WDPCP: variants seen among roughly 807,000 people sequenced by gnomAD.
WDPCP encodes WD repeat-containing and planar cell polarity effector protein fritz homolog.
Under a neutral mutation model 93.1 loss-of-function variants are expected in WDPCP, and 71 were observed. That is an observed-to-expected ratio of 0.76 (90% confidence interval 0.63 to 0.93). The LOEUF (loss-of-function observed/expected upper bound fraction) is 0.93. Among genes scored for constraint, WDPCP ranks in the 40% least tolerant of loss-of-function variants. The pLI is 0.00. For missense variants in WDPCP, 844 were observed against 887.4 expected, an observed-to-expected ratio of 0.95 and a Z score of 0.62; for synonymous variants, 315 against 315.0, an observed-to-expected ratio of 1.00 and a Z score of 0.00.
chr2:63,745,146 A>C (rs1669776622), intron 2 of WDPCP, among the ~76,000 whole-genome samples: 1 of 152,172 alleles, frequency 6.6e-6, no homozygotes, highest in Admixed American at 6.6e-5. Context: ...AATGTACTCT[A>C]CTTTGAGGAT....
chr2:63,303,445 T>C lies in WDPCP; in HGVS notation c.1812+9803A>G, dbSNP rs1685482262. On this transcript the variant is annotated intron_variant, in intron 13 of 17. Coordinates refer to ENST00000272321, the MANE Select transcript of WDPCP (RefSeq NM_015910.7). ...ACCCCACTAGATGAAACCCAGGTAT[T>C]TGACTGATACGCCTGGACCCTGGAC... Among the ~76,000 whole-genome samples, 3 of 152,286 alleles carry C rather than the reference T, an allele frequency of 2.0e-5. No individual in the cohort carries two copies. In the South Asian group the frequency reaches 6.2e-4, roughly 32 times the overall value.
intron 9 of WDPCP, among the ~76,000 whole-genome samples, chr2:63,416,417 C>T (rs186399487): frequency 3.3e-5 from 5 of 152,106 alleles, no homozygotes; most frequent in African/African-American, 9.7e-5. Flanking sequence ...CCCAGCTGGT[C>T]TCGAACTCTT....
chr2:63,445,804 C>G (rs897201653), intron 6 of WDPCP, among the ~76,000 whole-genome samples: 14 of 151,700 alleles, frequency 9.2e-5, no homozygotes, highest in African/African-American at 3.4e-4. Context: ...AATCAGATAA[C>G]ACTTTTTTTT....
chr2:63,532,511 T>C (rs1703935894), intron 1 of WDPCP, among the ~76,000 whole-genome samples: 1 of 152,170 alleles, frequency 6.6e-6, no homozygotes, highest in Non-Finnish European at 1.5e-5. Context: ...AGCGGATCTC[T>C]CAGCAGAAAC....
At chr2:63,787,005 A>G (rs1199960577) in intron 2 of WDPCP, among the ~76,000 whole-genome samples, 2 of 152,198 alleles carry the variant, frequency 1.3e-5, no homozygotes, top group Non-Finnish European at 2.9e-5. Context: ...AAAGGGTACT[A>G]TTTCTAGAAG....
chr2:63,554,115 T>C (rs531754978), intron 1 of WDPCP, among the ~76,000 whole-genome samples: 2 of 152,366 alleles, frequency 1.3e-5, no homozygotes, highest in South Asian at 4.1e-4. Flanking sequence ...TGCATTTCAC[T>C]GTTATGTCTC....
chr2:63,583,293 A>G (rs1708613174), intron 1 of WDPCP, among the ~76,000 whole-genome samples: 1 of 152,234 alleles, frequency 6.6e-6, no homozygotes. Context: ...AAAAAATTTC[A>G]ATTCATCAAA....
chr2:63,582,593 T>TA (rs1558843233), intron 1 of WDPCP, among the ~76,000 whole-genome samples: 1 of 151,496 alleles, frequency 6.6e-6, no homozygotes, highest in Non-Finnish European at 1.5e-5. Context: ...ACAAGAAACA[T>TA]AAAAAAGACT....
At chr2:63,395,462 C>T (rs894957096) in intron 10 of WDPCP, among the ~76,000 whole-genome samples, 1 of 152,132 alleles carries the variant, frequency 6.6e-6, no homozygotes, top group Non-Finnish European at 1.5e-5. Context: ...TTAGCTCCCA[C>T]CTATAAATGA....
chr2:63,753,191 G>C (rs1004480884), intron 2 of WDPCP, among the ~76,000 whole-genome samples: 4 of 152,062 alleles, frequency 2.6e-5, no homozygotes, highest in Non-Finnish European at 4.4e-5. Flanking sequence ...CAGCACTTTA[G>C]GAGGCCGAGG....
intron 12 of WDPCP, among the ~76,000 whole-genome samples, chr2:63,370,087 C>G (rs1275170100): frequency 6.6e-6 from 1 of 152,020 alleles, no homozygotes; most frequent in Non-Finnish European, 1.5e-5. Context: ...TTATTTATAC[C>G]TATATTATGT....
chr2:63,773,623 T>C (rs1670261894), intron 2 of WDPCP, among the ~76,000 whole-genome samples: 1 of 152,132 alleles, frequency 6.6e-6, no homozygotes, highest in Non-Finnish European at 1.5e-5. Context: ...TAAAGATACT[T>C]GTACAAGATA....
At chr2:63,670,812 G>C (rs1302397362) in intron 2 of WDPCP, among the ~76,000 whole-genome samples, 1 of 152,082 alleles carries the variant, frequency 6.6e-6, no homozygotes, top group African/African-American at 2.4e-5. Context: ...TAAATAACAA[G>C]GGTAGCAATC....
chr2:63,508,618 C>T (rs760452620), intron 1 of WDPCP, among the ~76,000 whole-genome samples: 2 of 152,112 alleles, frequency 1.3e-5, no homozygotes, highest in Non-Finnish European at 2.9e-5. Context: ...GCCAAATGCT[C>T]CAATTAAAGG....
chr2:63,369,383 T>A (rs1375399768), intron 12 of WDPCP: 2 of 456,390 alleles, frequency 4.4e-6, no homozygotes, highest in East Asian at 1.4e-4. Flanking sequence ...ACAACTGTCT[T>A]GATCAGGAGT....
At chr2:63,373,504 C>A (rs1691586044) in intron 12 of WDPCP, among the ~76,000 whole-genome samples, 1 of 151,350 alleles carries the variant, frequency 6.6e-6, no homozygotes. Flanking sequence ...GATTCTCCTG[C>A]CTTGGCCTCC....
intron 15 of WDPCP, among the ~76,000 whole-genome samples, chr2:63,167,988 T>G (rs994685019): frequency 6.6e-6 from 1 of 151,588 alleles, no homozygotes; most frequent in African/African-American, 2.4e-5. Context: ...TGGTGACACA[T>G]GCCTGTTGTC....
chr2:63,221,850 C>A (rs1190229422), intron 14 of WDPCP, among the ~76,000 whole-genome samples: 2 of 152,048 alleles, frequency 1.3e-5, no homozygotes, highest in Non-Finnish European at 2.9e-5. Flanking sequence ...TCAAGCAAAA[C>A]CTTGTATTTT....
intron 3 of WDPCP, among the ~76,000 whole-genome samples, chr2:63,616,608 A>G (rs1208573398): frequency 6.6e-6 from 1 of 152,258 alleles, no homozygotes; most frequent in Non-Finnish European, 1.5e-5. Flanking sequence ...TAGTATTGCC[A>G]ATAATGTTGA....
Sources: gnomAD v4.1 joint callset for allele counts (sites outside exome capture counted in the v4.1 genomes callset) on GRCh38, gnomAD v4.1.1 for gene constraint, MANE v1.5 for transcripts, NCBI Gene and HGNC (gene_info 2026-07-23, HGNC 2026-07-21) for gene names.